Variants in NEK5 observed in about 807,000 individuals in gnomAD.
The protein encoded by NEK5 is serine/threonine-protein kinase Nek5.
Under a neutral mutation model 109.2 loss-of-function variants are expected in NEK5, and 88 were observed. That is an observed-to-expected ratio of 0.81 (90% CI 0.68 to 0.96). The LOEUF (loss-of-function observed/expected upper bound fraction) is 0.96, where lower values mean the gene tolerates loss of function less well. NEK5 is among the 40% of genes least tolerant of loss of function. The pLI, the probability that NEK5 is intolerant of heterozygous loss-of-function variation, is 0.00. For synonymous variants in NEK5, 283 were observed against 299.9 expected, an observed-to-expected ratio of 0.94 and a Z score of 0.58; for missense variants, 834 against 920.7, an observed-to-expected ratio of 0.91 and a Z score of 1.22.
chr13:52,101,286 G>C (rs1955524389), intron 11 of NEK5, among the ~76,000 whole-genome samples: 1 of 152,102 alleles, frequency 6.6e-6, no homozygotes, highest in Admixed American at 6.6e-5. Context: ...TGTAGTCCCA[G>C]CTACTCGGGA....
At chr13:52,055,930 C>A (rs1406345943) in intron 22 of NEK5, among the ~76,000 whole-genome samples, 1 of 151,674 alleles carries the variant, frequency 6.6e-6, no homozygotes, top group Non-Finnish European at 1.5e-5. Flanking sequence ...ATGACAGGAT[C>A]AAATTCACAC....
chr13:52,092,026 T>C (rs969984311), intron 13 of NEK5, among the ~76,000 whole-genome samples: 4 of 152,164 alleles, frequency 2.6e-5, no homozygotes, highest in Non-Finnish European at 5.9e-5. Flanking sequence ...TTTTTTCACC[T>C]GCCATATAGT....
chr13:52,073,196 T>C (rs562550218), intron 19 of NEK5, among the ~76,000 whole-genome samples: 1 of 152,210 alleles, frequency 6.6e-6, no homozygotes, highest in South Asian at 2.1e-4. Flanking sequence ...AAAATAGCTC[T>C]TTTATTTAAA....
chr13:52,102,472 G>A (rs1453667170), intron 9 of NEK5, among the ~76,000 whole-genome samples, 180 bp from the exon 10 acceptor site: 1 of 152,196 alleles, frequency 6.6e-6, no homozygotes, highest in Non-Finnish European at 1.5e-5. Context: ...AGGATCACTT[G>A]AGCCCAGGAG....
At chr13:52,103,351 T>A (rs2005182) in intron 9 of NEK5, among the ~76,000 whole-genome samples, 94,598 of 152,036 alleles carry the variant, frequency 0.62, 30,503 homozygotes, top group Non-Finnish European at 0.71. Flanking sequence ...GAATTGCTTG[T>A]ACCCAGGAGT....
intron 14 of NEK5, among the ~76,000 whole-genome samples, chr13:52,088,404 A>ATG (rs1388278203): frequency 6.6e-6 from 1 of 151,614 alleles, no homozygotes; most frequent in East Asian, 2.0e-4. Context: ...ACAGGTGTGC[A>ATG]CCATCATGCC....
intron 21 of NEK5, chr13:52,065,254 G>A: frequency 1.7e-6 from 1 of 594,858 alleles, no homozygotes; most frequent in Non-Finnish European, 3.0e-6. Flanking sequence ...GTGGCATCCT[G>A]GATTTTTCCT....
In NEK5 at chr13:52,093,193, G is replaced by A. The variant is rs1955330412; in HGVS notation, c.1069C>T (p.His357Tyr). 6.2e-7 allele frequency: 1 copy of A among 1,613,296 alleles called. No homozygotes were observed. The highest frequency in any genetic ancestry group is 1.1e-5 in the South Asian group (1 of 91,012). Reference protein sequence around the residue: ...ERPKIAAVCGHYDYYYAQLDM... With the variant: ...ERPKIAAVCGYYDYYYAQLDM... ...AGTTGAGCATAATAATAATCATAATGTCCACAGACAGCAGCAATTTTGGGT... is the reference window on the plus strand; with the variant it reads ...AGTTGAGCATAATAATAATCATAATATCCACAGACAGCAGCAATTTTGGGT... Residue 357 changes from histidine (H) to tyrosine (Y), a missense_variant, in exon 13 of 24, where the codon CAT becomes TAT. Transcript: ENST00000684899.
chr13:52,102,384 G>C, intron 9 of NEK5, 92 bp from the exon 10 acceptor site: 2 of 1,000,932 alleles, frequency 2.0e-6, no homozygotes, highest in Admixed American at 3.6e-5. Flanking sequence ...ATACCAAGAA[G>C]CAAAACAATG....
chr13:52,104,891 G>A (rs1955620448), intron 8 of NEK5, among the ~76,000 whole-genome samples: 1 of 152,150 alleles, frequency 6.6e-6, no homozygotes, highest in South Asian at 2.1e-4. Context: ...ACATGGATTT[G>A]TTTTGACTCA....
At chr13:52,079,263 G>T (rs1222311075) in intron 17 of NEK5, among the ~76,000 whole-genome samples, 1 of 145,862 alleles carries the variant, frequency 6.9e-6, no homozygotes, top group South Asian at 2.2e-4. Flanking sequence ...TTTTAAATAA[G>T]TAGGGCTTTA....
At chr13:52,076,970 T>C (rs1449151780) in intron 17 of NEK5, among the ~76,000 whole-genome samples, 1 of 152,174 alleles carries the variant, frequency 6.6e-6, no homozygotes. Context: ...TTTCAGAAAG[T>C]GTTAAGTGCT....
At chr13:52,097,800 G>C (rs758088117) in intron 12 of NEK5, among the ~76,000 whole-genome samples, 1 of 152,132 alleles carries the variant, frequency 6.6e-6, no homozygotes, top group Non-Finnish European at 1.5e-5. Flanking sequence ...TATGGGAATT[G>C]GGAGGGGCCA....
intron 3 of NEK5, among the ~76,000 whole-genome samples, chr13:52,125,539 G>A (rs1956049680): frequency 2.0e-5 from 3 of 152,172 alleles, no homozygotes; most frequent in Admixed American, 2.0e-4. Context: ...CTCCAGCCTG[G>A]GCGACAGAGC....
intron 19 of NEK5, among the ~76,000 whole-genome samples, chr13:52,074,331 A>G (rs1593939392): frequency 1.3e-5 from 2 of 152,300 alleles, no homozygotes; most frequent in East Asian, 3.9e-4. Context: ...AAAGCCACTC[A>G]TCTACAGCCA....
At chr13:52,096,149 C>A (rs1009749821) in intron 12 of NEK5, among the ~76,000 whole-genome samples, 2 of 152,114 alleles carry the variant, frequency 1.3e-5, no homozygotes, top group Non-Finnish European at 2.9e-5. Context: ...AACTGTGAGC[C>A]AATTAAATGT....
At chr13:52,127,704 C>CCTG in intron 1 of NEK5, 42 bp from the exon 2 acceptor site, 1 of 474,098 alleles carries the variant, frequency 2.1e-6, no homozygotes, top group East Asian at 3.5e-5. Flanking sequence ...CGGGTCATAG[C>CCTG]TCAGCTTTGA....
At chr13:52,101,876 C>CTCTG (rs1555314916) in intron 11 of NEK5, 57 bp downstream of exon 11, 5 of 1,342,394 alleles carry the variant, frequency 3.7e-6, no homozygotes, top group Middle Eastern at 1.8e-4. Flanking sequence ...TTGCATTACT[C>CTCTG]TCTGTGTGAG....
intron 23 of NEK5, among the ~76,000 whole-genome samples, chr13:52,038,626 G>A (rs977809309): frequency 2.6e-5 from 4 of 151,846 alleles, no homozygotes; most frequent in Middle Eastern, 3.2e-3. Flanking sequence ...TAGCAGCTAG[G>A]AGGTCTCACT....
Sources: gnomAD v4.1 joint callset for allele counts (sites outside exome capture counted in the v4.1 genomes callset) on GRCh38, gnomAD v4.1.1 for gene constraint, MANE v1.5 for transcripts, NCBI Gene and HGNC (gene_info 2026-07-23, HGNC 2026-07-21) for gene names.